SLC39A8: variants seen among roughly 807,000 people sequenced by gnomAD.
SLC39A8 encodes the protein metal cation symporter ZIP8.
A neutral mutation model predicts 40.4 loss-of-function variants in SLC39A8; 15 were observed. The observed-to-expected ratio is 0.37, with a 90% CI of 0.25 to 0.57. SLC39A8 has a LOEUF of 0.57. Among genes scored for constraint, SLC39A8 ranks in the 20% least tolerant of loss-of-function variants. SLC39A8 has a pLI of 0.75. For synonymous variants in SLC39A8, 223 were observed against 221.6 expected, an observed-to-expected ratio of 1.01 and a Z score of -0.06; for missense variants, 472 against 558.8, an observed-to-expected ratio of 0.84 and a Z score of 1.57.
chr4:102,278,127 T>C (rs1418372447), intron 6 of SLC39A8, among the ~76,000 whole-genome samples: 1 of 152,100 alleles, frequency 6.6e-6, no homozygotes. Context: ...AAAGCCAAAA[T>C]TGACAAATGG....
chr4:102,265,325 T>A (rs170870), intron 8 of SLC39A8, among the ~76,000 whole-genome samples: 110,215 of 152,018 alleles, frequency 0.73, 40,377 homozygotes, highest in Non-Finnish European at 0.78. Flanking sequence ...TGATCAGGGG[T>A]GCAGGGAGAA....
At chr4:102,270,015 A>G (rs894262441) in intron 6 of SLC39A8, among the ~76,000 whole-genome samples, 2 of 152,224 alleles carry the variant, frequency 1.3e-5, no homozygotes, top group African/African-American at 4.8e-5. Context: ...AAGGAGAAAC[A>G]AAGGTGGTCA....
At chr4:102,287,638 T>C (rs1733240897) in intron 6 of SLC39A8, among the ~76,000 whole-genome samples, 1 of 152,132 alleles carries the variant, frequency 6.6e-6, no homozygotes, top group African/African-American at 2.4e-5. Context: ...CACTACACAA[T>C]AACTATTTTT....
chr4:102,288,304 T>C lies in SLC39A8; in HGVS notation c.840+16013A>G, dbSNP rs76922848. On this transcript the variant is annotated intron_variant, in intron 6 of 8. Transcript: ENST00000356736. ...TCATTGTTTTGGGACACCATGACTG[T>C]GCCCCCATAAGATGGCAGACTTAAC... is the stretch of plus-strand genomic sequence containing the variant. Among the ~76,000 whole-genome samples, 468 of 152,262 alleles carry C rather than the reference T, an allele frequency of 3.1e-3. 2 individuals carry two copies. Among genetic ancestry groups the C allele is most frequent in the South Asian group, 0.012 (57 of 4,826 alleles).
intron 6 of SLC39A8, among the ~76,000 whole-genome samples, chr4:102,278,897 A>G (rs536792886): frequency 5.3e-5 from 8 of 152,228 alleles, no homozygotes; most frequent in African/African-American, 1.7e-4. Context: ...ACACAGGAAC[A>G]GAAAACCAAA....
intron 3 of SLC39A8, among the ~76,000 whole-genome samples, chr4:102,311,856 C>A (rs1479522340): frequency 6.6e-6 from 1 of 151,942 alleles, no homozygotes; most frequent in Non-Finnish European, 1.5e-5. Context: ...TTTGGATGAG[C>A]TAAAGACTTG....
At chr4:102,329,361 G>A (rs1735349691) in intron 2 of SLC39A8, among the ~76,000 whole-genome samples, 1 of 152,174 alleles carries the variant, frequency 6.6e-6, no homozygotes, top group East Asian at 1.9e-4. Context: ...AGTGGCTCAT[G>A]CCTGTATTCT....
Position 102,304,475 on chromosome 4 carries a change from G to C in SLC39A8, c.682C>G (p.His228Asp). 6.2e-7 allele frequency: 1 copy of C among 1,609,848 alleles called. No individual in the cohort carries two copies. Among genetic ancestry groups the C allele is most frequent in the Non-Finnish European group, 8.5e-7 (1 of 1,177,492 alleles). The part of the protein sequence containing the change: ...MLLKTYGQNG[H>D]THFGNDNFGP... ...AAGTTATCATTTCCAAAGTGGGTAT[G>C]ACCATTCTATATGGGAACAAAAACC... Residue 228 changes from histidine (H) to aspartate (D), a missense_variant, in exon 6 of 9, where the codon CAT (histidine) becomes GAT (aspartate). Transcript: ENST00000356736.
At chr4:102,333,629 T>C (rs554834466) in intron 2 of SLC39A8, among the ~76,000 whole-genome samples, 2 of 152,244 alleles carry the variant, frequency 1.3e-5, no homozygotes, top group African/African-American at 2.4e-5. Context: ...GAGTTTTGTT[T>C]GAGACAGGTT....
At chr4:102,273,346 G>A (rs1022099792) in intron 6 of SLC39A8, among the ~76,000 whole-genome samples, 6 of 152,138 alleles carry the variant, frequency 3.9e-5, no homozygotes, top group South Asian at 2.1e-4. Flanking sequence ...CAAACTGAGC[G>A]GAGCCCACCA....
chr4:102,307,608 G>A lies in SLC39A8; in HGVS notation c.383-3C>T, dbSNP rs1560552167. ...TGACAGGAATCCATATCCCCAAACTGTGGGTCAGAGGGAAAAGAGAGTAGA... is the reference window on the plus strand; with the variant it reads ...TGACAGGAATCCATATCCCCAAACTATGGGTCAGAGGGAAAAGAGAGTAGA... On this transcript the variant is annotated splice_region_variant and splice_polypyrimidine_tract_variant and intron_variant, in intron 3 of 8. Transcript: ENST00000356736. 6.2e-7 allele frequency: 1 copy of A among 1,611,774 alleles called. No homozygotes were observed. Among genetic ancestry groups the A allele is most frequent in the East Asian group, 2.2e-5 (1 of 44,816 alleles).
At chr4:102,335,994 C>T (rs1735652689) in intron 2 of SLC39A8, among the ~76,000 whole-genome samples, 1 of 152,038 alleles carries the variant, frequency 6.6e-6, no homozygotes, top group African/African-American at 2.4e-5. Flanking sequence ...TATCGAGTAA[C>T]ATACTATTAT....
At chr4:102,287,097 T>C (rs1223104941) in intron 6 of SLC39A8, among the ~76,000 whole-genome samples, 2 of 152,222 alleles carry the variant, frequency 1.3e-5, no homozygotes, top group East Asian at 3.9e-4. Context: ...GAATTTAATA[T>C]AATAATAGCT....
chr4:102,319,164 C>T (rs1734791014), intron 2 of SLC39A8, among the ~76,000 whole-genome samples: 2 of 152,212 alleles, frequency 1.3e-5, no homozygotes, highest in Admixed American at 1.3e-4. Context: ...GCTTCCGCTT[C>T]TGCTCTTCCT....
chr4:102,343,796 A>AT (rs200083437), intron 2 of SLC39A8, among the ~76,000 whole-genome samples: 1 of 152,148 alleles, frequency 6.6e-6, no homozygotes, highest in African/African-American at 2.4e-5. Flanking sequence ...TACTGAAAAA[A>AT]TTTTTTTAAT....
chr4:102,266,617 C>CT (rs11446392), intron 8 of SLC39A8, among the ~76,000 whole-genome samples: 27,098 of 149,072 alleles, frequency 0.18, 2,699 homozygotes, highest in Middle Eastern at 0.24. Flanking sequence ...CATGCACACT[C>CT]TTTTTTTTTT....
downstream of SLC39A8, among the ~76,000 whole-genome samples, chr4:102,256,766 A>G (rs1359148705): frequency 6.6e-6 from 1 of 152,164 alleles, no homozygotes; most frequent in African/African-American, 2.4e-5. Context: ...TAAGACGTTT[A>G]CTGCTGATAA....
At chr4:102,285,840 G>C (rs1329934370) in intron 6 of SLC39A8, among the ~76,000 whole-genome samples, 2 of 152,082 alleles carry the variant, frequency 1.3e-5, no homozygotes, top group Non-Finnish European at 2.9e-5. Context: ...AGTAAATTCT[G>C]CCTCTGCAAG....
intron 6 of SLC39A8, among the ~76,000 whole-genome samples, chr4:102,281,388 C>T (rs889324247): frequency 3.9e-5 from 6 of 152,068 alleles, no homozygotes; most frequent in African/African-American, 1.4e-4. Context: ...GCAGCAGCTG[C>T]CTGTCATGTC....
Sources: allele counts gnomAD v4.1 joint callset (sites outside exome capture counted in the v4.1 genomes callset), GRCh38; gene constraint gnomAD v4.1.1; transcripts MANE v1.5; gene names NCBI Gene and HGNC (gene_info 2026-07-23, HGNC 2026-07-21).